The following SCIMP variants were observed in gnomAD, a reference collection of about 807,000 sequenced individuals.
SCIMP encodes SLP adapter and CSK-interacting membrane protein.
A neutral mutation model predicts 22.0 loss-of-function variants in SCIMP; 18 were observed. The ratio of observed to expected loss-of-function variants is 0.82; its 90% CI spans 0.56 to 1.21. The LOEUF (loss-of-function observed/expected upper bound fraction) is 1.21. Ranked by LOEUF, SCIMP falls within the 50% of genes most tolerant of loss-of-function variation. The pLI is 0.00. For synonymous variants in SCIMP, 53 were observed against 62.2 expected (o/e 0.85, Z 0.70); for missense variants, 155 against 171.2 (o/e 0.91, Z 0.53).
Position 5,223,389 on chromosome 17 carries a change from A to G in SCIMP, c.89T>C (p.Val30Ala), listed in dbSNP as rs1439258448. 2 of 1,613,788 alleles carry G rather than the reference A, an allele frequency of 1.2e-6. No homozygotes were observed. The highest frequency in any genetic ancestry group is 2.7e-5 in the African/African-American group (2 of 74,906). Residue 30 changes from valine to alanine, a missense_variant, in exon 2 of 5, where the codon GTC (valine) becomes GCC (alanine). Val to Ala is a moderately conservative substitution (Grantham distance 64). Transcript: ENST00000574081. ...CAGGATGAGGCCCAGACCCACAGAGACAACGATGATGGCCACAGCTAAGAT... is the reference window on the plus strand; with the variant it reads ...CAGGATGAGGCCCAGACCCACAGAGGCAACGATGATGGCCACAGCTAAGAT... ...WIILAVAIIV[V>A]SVGLGLILYC...
intron 1 of SCIMP, among the ~76,000 whole-genome samples, chr17:5,227,730 C>T (rs1052665178): frequency 3.9e-5 from 6 of 152,198 alleles, no homozygotes; most frequent in African/African-American, 1.2e-4. Context: ...CTCCACCTTC[C>T]AGCCCAGTCC....
In SCIMP at chr17:5,218,529, A is replaced by G. The variant is rs58668766; in HGVS notation, c.209+2758T>C. Reference sequence around the variant, plus strand: ...TAATTTCTGTATTTTTAGTAGAGACAGGGTTTCACCATGTTGGCCAGACTG... The same window carrying G: ...TAATTTCTGTATTTTTAGTAGAGACGGGGTTTCACCATGTTGGCCAGACTG... On this transcript the variant is annotated intron_variant, in intron 3 of 4. Coordinates refer to ENST00000574081, the MANE Select transcript of SCIMP (RefSeq NM_207103.3). Among the ~76,000 whole-genome samples, 8 of 152,220 alleles carry G rather than the reference A, an allele frequency of 5.3e-5. No homozygotes were observed. In the East Asian group the frequency reaches 1.5e-3, roughly 29 times the overall value.
At chr17:5,216,535 G>A (rs1474507927) in intron 3 of SCIMP, among the ~76,000 whole-genome samples, 2 of 152,062 alleles carry the variant, frequency 1.3e-5, no homozygotes, top group Admixed American at 6.6e-5. Context: ...GTGTGGTGGC[G>A]CATGCCTATA....
intron 2 of SCIMP, among the ~76,000 whole-genome samples, chr17:5,222,293 G>A (rs921414175): frequency 1.1e-4 from 17 of 151,778 alleles, no homozygotes; most frequent in Admixed American, 9.2e-4. Flanking sequence ...GGGTTTCACC[G>A]TGTTAGCCAG....
At chr17:5,232,563 C>T (rs759323061) in intron 1 of SCIMP, among the ~76,000 whole-genome samples, 4 of 152,014 alleles carry the variant, frequency 2.6e-5, no homozygotes, top group Admixed American at 6.6e-5. Context: ...AATGAGGGTT[C>T]GAACTAATCT....
intron 1 of SCIMP, chr17:5,223,681 C>T (rs772219492): frequency 6.5e-5 from 30 of 459,804 alleles, no homozygotes; most frequent in Admixed American, 7.1e-5. Context: ...TCCAGAGTAA[C>T]GGGGACTACA....
At position 5,232,350 on chromosome 17, in the gene SCIMP, A is replaced by ATAAACAGTGCAGTATAAACAGTGCAGTG. The variant is rs1567845126; in HGVS notation, c.21+2384_21+2385insCACTGCACTGTTTATACTGCACTGTTTA. On this transcript the variant is annotated intron_variant, in intron 1 of 4. Coordinates refer to ENST00000574081, the MANE Select transcript of SCIMP (RefSeq NM_207103.3). ...TGGGGGACTAAGAAAGGGGTGGAAT[A>ATAAACAGTGCAGTATAAACAGTGCAGTG]TAAACAGTGCAGTGTAAACAGTGCA... 1.1e-4 allele frequency among the ~76,000 whole-genome samples: 3 copies of ATAAACAGTGCAGTATAAACAGTGCAGTG among 26,112 alleles called. No individual in the cohort carries two copies. In the East Asian group the frequency reaches 5.9e-3, roughly 51 times the overall value. The allele number at this position is 26,112 out of a possible 152,430, so 17.1% of individuals were successfully genotyped here. A position where few individuals can be genotyped will look rare whatever the true frequency, so the allele number is the denominator to read the frequency against.
rs1167509610 is a variant in SCIMP at position 5,223,347 on chromosome 17, C to T, written c.131G>A (p.Trp44Ter). The part of the protein sequence containing the change: ...LGLILYCVCK[W>*]QLRRGKKWEI... ...ATGGCCATTACCTCGTCTAAGCTGC[C>T]ACTTACAGACACAGTACAGGATGAG... The change falls in exon 2 of 5, where the codon TGG (tryptophan) becomes TAG (stop). Residue 44 changes from tryptophan to a stop codon, truncating the protein, a stop_gained. Transcript: ENST00000574081. LOFTEE classifies it high-confidence loss of function. 1 of 1,613,718 alleles carries T rather than the reference C, an allele frequency of 6.2e-7. No individual in the cohort carries two copies. Among genetic ancestry groups the T allele is most frequent in the Non-Finnish European group, 8.5e-7 (1 of 1,179,906 alleles).
At chr17:5,219,628 GTAAATAAA>G (rs988289293) in intron 3 of SCIMP, among the ~76,000 whole-genome samples, 1 of 151,946 alleles carries the variant, frequency 6.6e-6, no homozygotes, top group South Asian at 2.1e-4. Flanking sequence ...ACTCCATCTC[GTAAATAAA>G]TAAATAAAGA....
Position 5,212,357 on chromosome 17 carries a change from G to A in SCIMP, c.284-1402C>T, listed in dbSNP as rs142617523. Among the ~76,000 whole-genome samples the A allele has an allele frequency of 9.2e-5, 14 of 152,292 alleles. No individual in the cohort carries two copies. In the East Asian group the frequency reaches 2.3e-3, roughly 25 times the overall value. ...AATAAAAATGTACCTGGCTTGGGCC[G>A]GGCGCGGTGGCTCACGCCTGTAATC... On this transcript the variant is annotated intron_variant, in intron 4 of 4. Transcript: ENST00000574081.
intron 2 of SCIMP, among the ~76,000 whole-genome samples, chr17:5,222,965 G>A (rs2144328744): frequency 6.6e-6 from 1 of 152,134 alleles, no homozygotes; most frequent in South Asian, 2.1e-4. Context: ...ACGCCCAGCC[G>A]AGACAGTTCT....
intron 1 of SCIMP, among the ~76,000 whole-genome samples, chr17:5,226,190 CAG>C (rs1005989335): frequency 2.6e-5 from 4 of 152,146 alleles, no homozygotes; most frequent in Admixed American, 1.3e-4. Flanking sequence ...GGCGGGAAGA[CAG>C]GGGCTGTTGC....
intron 3 of SCIMP, among the ~76,000 whole-genome samples, chr17:5,218,614 C>T (rs1206090380): frequency 2.0e-5 from 3 of 152,154 alleles, no homozygotes; most frequent in Admixed American, 2.0e-4. Context: ...TCTGGGATTA[C>T]AGGTGTGAGC....
chr17:5,210,909 T>A lies in SCIMP; in HGVS notation c.330A>T (p.Val110=). The A allele has an allele frequency of 6.2e-7, 1 of 1,614,116 alleles. No individual in the cohort carries two copies. Among genetic ancestry groups the A allele is most frequent in the Non-Finnish European group, 8.5e-7 (1 of 1,180,018 alleles). The change falls in exon 5 of 5, where the codon GTA becomes GTT. Residue 110 remains valine, a synonymous_variant. Transcript: ENST00000574081. Reference sequence around the variant, plus strand: ...CAGTCTTCTTATTTTTAACTTTATTTACCAGTGAGTATGTAGCGGGCGGCT... The same window carrying A: ...CAGTCTTCTTATTTTTAACTTTATTAACCAGTGAGTATGTAGCGGGCGGCT... The part of the protein sequence containing the change: ...PSQPPATYSL[V]NKVKNKKTVS...
intron 1 of SCIMP, chr17:5,223,690 C>T (rs1251183008): frequency 4.6e-6 from 2 of 439,244 alleles, no homozygotes; most frequent in African/African-American, 2.0e-5. Context: ...ACGGGGACTA[C>T]AGGCACCTGC....
rs2144296157 is a variant in SCIMP, at chr17:5,209,552, T to C, written c.*1249A>G. 1 of 152,284 alleles carries C rather than the reference T, an allele frequency of 6.6e-6. No individual in the cohort carries two copies. Among genetic ancestry groups the C allele is most frequent in the African/African-American group, 2.4e-5 (1 of 41,558 alleles). 9.4% of individuals were successfully genotyped at this position (152,284 alleles called of 1,614,324 possible). A position where few individuals can be genotyped will look rare whatever the true frequency, so the allele number is the denominator to read the frequency against. On this transcript the variant is annotated 3_prime_UTR_variant, in exon 5 of 5. Transcript: ENST00000574081. ...ATCTCTTGAGGGAAATCTGAGTCAC[T>C]CTCAGGCCTTTCCAGGTTCACAGTG... is the stretch of plus-strand genomic sequence containing the variant.
chr17:5,221,183 A>G (rs2074604377), intron 3 of SCIMP, 104 bp downstream of exon 3: 2 of 857,206 alleles, frequency 2.3e-6, no homozygotes, highest in Admixed American at 1.7e-5. Flanking sequence ...CTCTACAGGA[A>G]ATGCGGATGT....
At chr17:5,227,878 T>C (rs1216273479) in intron 1 of SCIMP, among the ~76,000 whole-genome samples, 4 of 152,060 alleles carry the variant, frequency 2.6e-5, no homozygotes, top group East Asian at 1.9e-4. Context: ...CCCTGCAATA[T>C]GTATATGTGA....
At chr17:5,234,689 T>C in intron 1 of SCIMP, 46 bp downstream of exon 1, 1 of 1,602,970 alleles carries the variant, frequency 6.2e-7, no homozygotes, top group Non-Finnish European at 8.5e-7. Flanking sequence ...AGATGTCTGC[T>C]GTGAAGAGAG....
Sources: allele counts gnomAD v4.1 joint callset (sites outside exome capture counted in the v4.1 genomes callset), GRCh38; gene constraint gnomAD v4.1.1; transcripts MANE v1.5; gene names NCBI Gene and HGNC (gene_info 2026-07-23, HGNC 2026-07-21).